The following ITIH6 variants were observed in gnomAD, a reference collection of about 807,000 sequenced individuals.
ITIH6 encodes inter-alpha-trypsin inhibitor heavy chain H6.
ITIH6 carries 60 observed loss-of-function variants against 58.2 expected under a neutral mutation model. The ratio of observed to expected loss-of-function variants is 1.03; its 90% confidence interval spans 0.84 to 1.28. The LOEUF is 1.28. ITIH6 is among the 50% of genes most tolerant of loss of function. The probability of loss-of-function intolerance (pLI) is 0.00; values close to 1 mark genes in which losing one functional copy is unlikely to be tolerated. For synonymous variants in ITIH6, 493 were observed against 417.4 expected, an observed-to-expected ratio of 1.18 and a Z score of -2.21; for missense variants, 1,290 against 1,021.1, an observed-to-expected ratio of 1.26 and a Z score of -3.59.
rs150359196 is a variant in ITIH6 at position 54,784,825 on chromosome X, C to T, written c.786+3655G>A. ...AAAATTAGGGCTTCATCATACAATC[C>T]GGCCATTCCACTTCTGGGTATATAC... On this transcript the variant is annotated intron_variant, in intron 5 of 12. Transcript: ENST00000218436. 1.1e-4 allele frequency among the ~76,000 whole-genome samples: 12 copies of T among 111,670 alleles called. No individual in the cohort carries two copies. In the East Asian group the frequency reaches 3.1e-3, roughly 29 times the overall value.
At chrX:54,760,609 C>A (rs1186688053) in intron 6 of ITIH6, among the ~76,000 whole-genome samples, 1 of 110,938 alleles carries the variant, frequency 9.0e-6, no homozygotes, top group African/African-American at 3.3e-5. Context: ...TACAACAGGC[C>A]CCAGTGTGTG....
intron 11 of ITIH6, among the ~76,000 whole-genome samples, chrX:54,752,826 A>T (rs1928392972): frequency 8.9e-6 from 1 of 112,344 alleles, no homozygotes; most frequent in Non-Finnish European, 1.9e-5. Context: ...ACAAAAGCAC[A>T]ATCAAAGCAA....
intron 8 of ITIH6, among the ~76,000 whole-genome samples, chrX:54,756,607 G>A (rs890790979): frequency 2.7e-5 from 3 of 111,359 alleles, no homozygotes; most frequent in South Asian, 3.8e-4. Flanking sequence ...AATAAGACCC[G>A]CCTCATCCAA....
At position 54,758,792 on chromosome X, in the gene ITIH6, C is replaced by T. The variant is rs750476542; in HGVS notation, c.1282G>A (p.Ala428Thr). 8.3e-7 allele frequency: 1 copy of T among 1,209,640 alleles called. No homozygotes were observed. Among genetic ancestry groups the T allele is most frequent in the East Asian group, 3.0e-5 (1 of 33,771 alleles). ...GTAAAGTCAGCATCATCCCCAAAGGCCAAGCTGAAAAGGGATACCCTGTGG... is the reference window on the plus strand; with the variant it reads ...GTAAAGTCAGCATCATCCCCAAAGGTCAAGCTGAAAAGGGATACCCTGTGG... ...LGHRVSLFSL[A>T]FGDDADFTLL... The change falls in exon 8 of 13, where the codon GCC (alanine) becomes ACC (threonine). Residue 428 changes from alanine to threonine, a missense_variant. Transcript: ENST00000218436.
chrX:54,755,623 G>C (rs1458728718), intron 8 of ITIH6, among the ~76,000 whole-genome samples: 3 of 110,405 alleles, frequency 2.7e-5, no homozygotes, highest in Non-Finnish European at 5.7e-5. Flanking sequence ...GCAGCAGGAA[G>C]GGGTAGGACA....
At chrX:54,773,295 GA>G (rs1928989708) in intron 6 of ITIH6, among the ~76,000 whole-genome samples, 2 of 111,445 alleles carry the variant, frequency 1.8e-5, no homozygotes, top group Admixed American at 1.9e-4. Flanking sequence ...AGTGAGACAA[GA>G]AGGCTAGAAA....
At chrX:54,775,938 A>G (rs777000017) in intron 5 of ITIH6, among the ~76,000 whole-genome samples, 1 of 112,232 alleles carries the variant, frequency 8.9e-6, no homozygotes, top group Non-Finnish European at 1.9e-5. Flanking sequence ...ACAACCATCT[A>G]CACACAAATA....
In ITIH6 at chrX:54,762,434, G is replaced by A. The variant is rs763625142; in HGVS notation, c.904-2507C>T. On this transcript the variant is annotated intron_variant, in intron 6 of 12. Coordinates refer to ENST00000218436, the MANE Select transcript of ITIH6 (RefSeq NM_198510.3). ...CCTTTCAATGACTTTGCATGCTTTGGTTCTGCTGTAATCTGCTCTTCTGCC... is the reference window on the plus strand; with the variant it reads ...CCTTTCAATGACTTTGCATGCTTTGATTCTGCTGTAATCTGCTCTTCTGCC... Among the ~76,000 whole-genome samples, 15 of 111,595 alleles carry A rather than the reference G, an allele frequency of 1.3e-4. No homozygotes were observed. The South Asian group carries it at 5.7e-3, about 42-fold the overall frequency.
intron 9 of ITIH6, among the ~76,000 whole-genome samples, chrX:54,754,451 C>G (rs778573378): frequency 8.9e-6 from 1 of 111,945 alleles, no homozygotes; most frequent in African/African-American, 3.2e-5. Context: ...TGGGGCCTGA[C>G]CTAATCACGT....
chrX:54,749,575 G>A lies in ITIH6; in HGVS notation c.*320C>T, dbSNP rs914171488. 3 of 230,880 alleles carry A rather than the reference G, an allele frequency of 1.3e-5. No individual in the cohort carries two copies. Among genetic ancestry groups the A allele is most frequent in the Non-Finnish European group, 2.3e-5 (3 of 129,408 alleles). 19.0% of individuals were successfully genotyped at this position (230,880 alleles called of 1,213,427 possible). A position where few individuals can be genotyped will look rare whatever the true frequency, so the allele number is the denominator to read the frequency against. ...TGAGAGCCTTGAATATGCCATAGGA[G>A]TTAGGGAAAGCTGTGAGCAGAACTA... is the stretch of plus-strand genomic sequence containing the variant. On this transcript the variant is annotated 3_prime_UTR_variant, in exon 13 of 13. Coordinates refer to ENST00000218436, the MANE Select transcript of ITIH6 (RefSeq NM_198510.3).
Position 54,758,413 on chromosome X carries a change from G to A in ITIH6, c.1661C>T (p.Pro554Leu). ...KAFGCPGEPA[P>L]NVAHFIRRLW... The stretch of plus-strand genomic sequence containing the variant: ...GCGGCGGATGAAGTGGGCCACATTG[G>A]GGGCTGGCTCCCCTGGGCAACCAAA... Residue 554 changes from proline to leucine, a missense_variant, in exon 8 of 13, where the codon CCC becomes CTC. Coordinates refer to ENST00000218436, the MANE Select transcript of ITIH6 (RefSeq NM_198510.3). 8.3e-7 allele frequency: 1 copy of A among 1,210,452 alleles called. No homozygotes were observed. Among genetic ancestry groups the A allele is most frequent in the Non-Finnish European group, 1.1e-6 (1 of 894,775 alleles).
chrX:54,775,026 C>A (rs1030097262), intron 5 of ITIH6, among the ~76,000 whole-genome samples: 10 of 112,059 alleles, frequency 8.9e-5, no homozygotes, highest in Non-Finnish European at 1.9e-5. Context: ...TTAGGCTGTA[C>A]ACTACCTCTT....
intron 6 of ITIH6, among the ~76,000 whole-genome samples, chrX:54,770,088 G>A (rs996161940): frequency 1.8e-5 from 2 of 112,517 alleles, no homozygotes; most frequent in African/African-American, 3.2e-5. Context: ...ATGGTGCGCC[G>A]TTTTTTAAGC....
intron 6 of ITIH6, among the ~76,000 whole-genome samples, chrX:54,765,600 T>C (rs1388598067): frequency 1.9e-3 from 190 of 101,158 alleles, no homozygotes; most frequent in Non-Finnish European, 3.1e-3. Flanking sequence ...TTTTCTTTTT[T>C]TTTTTTTTTT....
At chrX:54,753,598 A>C in intron 11 of ITIH6, 53 bp downstream of exon 11, 2 of 900,819 alleles carry the variant, frequency 2.2e-6, no homozygotes, top group Non-Finnish European at 3.3e-6. Context: ...AGGGGTATTG[A>C]CATGGATATA....
At chrX:54,762,917 T>C (rs1227056591) in intron 6 of ITIH6, among the ~76,000 whole-genome samples, 1 of 111,744 alleles carries the variant, frequency 8.9e-6, no homozygotes, top group Non-Finnish European at 1.9e-5. Context: ...ACCCTTTTGA[T>C]GCATCAGCTC....
intron 6 of ITIH6, among the ~76,000 whole-genome samples, chrX:54,766,341 C>G (rs1328907636): frequency 1.2e-5 from 1 of 85,975 alleles, no homozygotes; most frequent in Admixed American, 1.4e-4. Context: ...CAAACAGGGA[C>G]AATTTGACTT....
At chrX:54,764,265 T>C (rs1025986019) in intron 6 of ITIH6, among the ~76,000 whole-genome samples, 1 of 111,275 alleles carries the variant, frequency 9.0e-6, no homozygotes, top group Non-Finnish European at 1.9e-5. Context: ...AATTCTTTTT[T>C]TTTTTAATTA....
chrX:54,767,378 G>A (rs1172781646), intron 6 of ITIH6, among the ~76,000 whole-genome samples: 28 of 107,137 alleles, frequency 2.6e-4, no homozygotes, highest in African/African-American at 1.0e-3. Flanking sequence ...GTTTTTTTGT[G>A]TCTCTATTTC....
Sources: allele counts gnomAD v4.1 joint callset (sites outside exome capture counted in the v4.1 genomes callset), GRCh38; gene constraint gnomAD v4.1.1; transcripts MANE v1.5; gene names NCBI Gene and HGNC (gene_info 2026-07-23, HGNC 2026-07-21).